The following ANXA3 variants were observed in gnomAD, a reference collection of about 807,000 sequenced individuals.
The protein encoded by ANXA3 is annexin A3.
ANXA3 carries 46 observed loss-of-function variants against 48.8 expected under a neutral mutation model. That is an observed-to-expected ratio of 0.94 (90% confidence interval 0.74 to 1.21). The LOEUF (loss-of-function observed/expected upper bound fraction) is 1.21. Ranked by LOEUF, ANXA3 falls within the 50% of genes most tolerant of loss-of-function variation. ANXA3 has a pLI of 0.00. For synonymous variants in ANXA3, 128 were observed against 134.7 expected (o/e 0.95, Z 0.35); for missense variants, 383 against 378.6 (o/e 1.01, Z -0.10).
chr4:78,585,990 A>G (rs531925650), intron 5 of ANXA3, among the ~76,000 whole-genome samples: 206 of 152,352 alleles, frequency 1.4e-3, no homozygotes, highest in African/African-American at 4.9e-3. Flanking sequence ...CTAATCTTGA[A>G]TGACACAGGC....
rs60845932 is a variant in ANXA3, at chr4:78,598,544, C to CT, written c.730+1139dup. 6.6e-5 allele frequency among the ~76,000 whole-genome samples: 10 copies of CT among 150,476 alleles called. No homozygotes were observed. In the South Asian group the frequency reaches 8.4e-4, roughly 13 times the overall value. On this transcript the variant is annotated intron_variant, in intron 10 of 12. Transcript: ENST00000264908. ...CATTTTACATTGTTAATCTTTTTTTCTTTTTTTTTCTTTGTGACGGAGTCT... is the reference window on the plus strand; with the variant it reads ...CATTTTACATTGTTAATCTTTTTTTCTTTTTTTTTTCTTTGTGACGGAGTCT...
At chr4:78,584,266 C>A (rs1290132995) in intron 5 of ANXA3, among the ~76,000 whole-genome samples, 1 of 152,152 alleles carries the variant, frequency 6.6e-6, no homozygotes, top group African/African-American at 2.4e-5. Flanking sequence ...GCAGCCTCAA[C>A]CTCCCTGGCA....
chr4:78,606,617 C>T (rs1723653305), intron 12 of ANXA3, among the ~76,000 whole-genome samples: 1 of 152,170 alleles, frequency 6.6e-6, no homozygotes, highest in Non-Finnish European at 1.5e-5. Context: ...AAATATTAGC[C>T]TGGGTCTTTC....
At chr4:78,578,331 A>AG (rs1560444874) in intron 3 of ANXA3, among the ~76,000 whole-genome samples, 124 of 41,352 alleles carry the variant, frequency 3.0e-3, no homozygotes, top group Middle Eastern at 0.015. Flanking sequence ...GAGAGAGAGA[A>AG]AGGGAGGGAG....
At chr4:78,569,099 G>A (rs1400601903) in intron 2 of ANXA3, among the ~76,000 whole-genome samples, 3 of 152,202 alleles carry the variant, frequency 2.0e-5, no homozygotes, top group Admixed American at 1.3e-4. Flanking sequence ...TTAGTATAAA[G>A]AGCTCCTGTT....
rs541981514 is a variant in ANXA3, at chr4:78,565,028, C to G, written c.16-8152C>G. Among the ~76,000 whole-genome samples the G allele has an allele frequency of 1.1e-4, 16 of 142,154 alleles. No individual in the cohort carries two copies. The South Asian group carries it at 1.8e-3, about 16-fold the overall frequency. The allele number at this position is 142,154 out of a possible 152,430, so 93.3% of individuals were successfully genotyped here. On this transcript the variant is annotated intron_variant, in intron 2 of 12. Transcript: ENST00000264908. ...TTTTTTTTTGAGATGGAGTCTCGCT[C>G]TGTTGCACAGACCAGAGTGCAGTAG...
At chr4:78,564,410 G>C (rs575495445) in intron 2 of ANXA3, among the ~76,000 whole-genome samples, 26 of 152,208 alleles carry the variant, frequency 1.7e-4, no homozygotes, top group Admixed American at 4.6e-4. Context: ...TGTAGAGCTT[G>C]GAGAAAGTCC....
chr4:78,593,693 A>G (rs1222701164), intron 7 of ANXA3, among the ~76,000 whole-genome samples: 1 of 148,486 alleles, frequency 6.7e-6, no homozygotes, highest in African/African-American at 2.5e-5. Context: ...CTTGAGAACT[A>G]TGGTGTGATC....
chr4:78,578,229 C>T (rs1306402817), intron 3 of ANXA3, among the ~76,000 whole-genome samples: 1 of 148,542 alleles, frequency 6.7e-6, no homozygotes, highest in African/African-American at 2.5e-5. Flanking sequence ...TGCAGTGAGC[C>T]GAGATCGTGC....
At chr4:78,555,097 C>G (rs1336460733) in intron 2 of ANXA3, among the ~76,000 whole-genome samples, 1 of 152,168 alleles carries the variant, frequency 6.6e-6, no homozygotes, top group Non-Finnish European at 1.5e-5. Flanking sequence ...CCCAGCTACT[C>G]AGGAGGCTGA....
At chr4:78,572,428 G>A (rs1264211358) in intron 2 of ANXA3, among the ~76,000 whole-genome samples, 2 of 152,158 alleles carry the variant, frequency 1.3e-5, no homozygotes, top group Non-Finnish European at 2.9e-5. Context: ...TGCCAGGCTA[G>A]CCACACCATG....
At chr4:78,587,697 C>T (rs1010185054) in intron 6 of ANXA3, among the ~76,000 whole-genome samples, 5 of 152,114 alleles carry the variant, frequency 3.3e-5, no homozygotes, top group African/African-American at 1.2e-4. Context: ...AGGTAAATAC[C>T]TCAATGTCAG....
At position 78,597,409 on chromosome 4, in the gene ANXA3, C is replaced by T; in HGVS notation, c.725C>T (p.Ala242Val). The T allele has an allele frequency of 6.3e-7, 1 of 1,599,576 alleles. No homozygotes were observed. The highest frequency in any genetic ancestry group is 8.6e-7 in the Non-Finnish European group (1 of 1,169,342). ...GGGCATTTTGAAGACTTACTGTTGG[C>T]CATAGGTAAGACTTCGAGTGCTGGT... ...LSGHFEDLLLAIVNCVRNTPA... is the reference protein window; with the variant it reads ...LSGHFEDLLLVIVNCVRNTPA... Residue 242 changes from alanine (A) to valine (V), a missense_variant, in exon 10 of 13, where the codon GCC becomes GTC. By Grantham distance (64) the Ala-to-Val change is moderately conservative (BLOSUM62 0). Transcript: ENST00000264908.
In ANXA3 at chr4:78,582,416, G is replaced by A. The variant is rs114013256; in HGVS notation, c.312+126G>A. The A allele has an allele frequency of 5.3e-4, 321 of 601,812 alleles. 1 individual carries two copies. The African/African-American group carries it at 5.5e-3, about 10-fold the overall frequency. The allele number at this position is 601,812 out of a possible 1,614,324, so 37.3% of individuals were successfully genotyped here. On this transcript the variant is annotated intron_variant, in intron 5 of 12. Transcript: ENST00000264908. ...CCCTTTTGGTCTGGACTCTCCCAGT[G>A]GTAGAATGACTCTGAAATAGGCAAC...
At chr4:78,585,429 A>C (rs1387335403) in intron 5 of ANXA3, among the ~76,000 whole-genome samples, 1 of 152,206 alleles carries the variant, frequency 6.6e-6, no homozygotes, top group African/African-American at 2.4e-5. Context: ...AGGACAAAGA[A>C]GGGTTCACTC....
intron 2 of ANXA3, among the ~76,000 whole-genome samples, chr4:78,560,543 A>C (rs1299330002): frequency 3.3e-5 from 5 of 152,186 alleles, no homozygotes. Flanking sequence ...TTCAATAACC[A>C]GGAAGCTCCT....
At chr4:78,574,274 G>T (rs1722903149) in intron 3 of ANXA3, among the ~76,000 whole-genome samples, 1 of 152,054 alleles carries the variant, frequency 6.6e-6, no homozygotes, top group African/African-American at 2.4e-5. Context: ...CAAAAAATTA[G>T]CTGGGCTTAG....
intron 5 of ANXA3, among the ~76,000 whole-genome samples, chr4:78,585,813 A>T (rs1481254694): frequency 6.6e-6 from 1 of 152,222 alleles, no homozygotes; most frequent in East Asian, 1.9e-4. Context: ...CCCATGATGC[A>T]CATTACTGAG....
chr4:78,565,206 C>T (rs1008632796), intron 2 of ANXA3, among the ~76,000 whole-genome samples: 2 of 152,074 alleles, frequency 1.3e-5, no homozygotes, highest in African/African-American at 4.8e-5. Context: ...ATTGGCCAGG[C>T]TGGTCTCGAA....
Sources: gnomAD v4.1 joint callset for allele counts (sites outside exome capture counted in the v4.1 genomes callset) on GRCh38, gnomAD v4.1.1 for gene constraint, MANE v1.5 for transcripts, NCBI Gene and HGNC (gene_info 2026-07-23, HGNC 2026-07-21) for gene names.